THEMIS: variants seen among roughly 807,000 people sequenced by gnomAD.
THEMIS encodes protein THEMIS.
Under a neutral mutation model 52.6 loss-of-function variants are expected in THEMIS, and 37 were observed. That is an observed-to-expected ratio of 0.70 (90% CI 0.54 to 0.93). The LOEUF (loss-of-function observed/expected upper bound fraction) is 0.93. THEMIS is among the 40% of genes least tolerant of loss of function. THEMIS has a pLI of 0.00. For missense variants in THEMIS, 808 were observed against 763.1 expected (o/e 1.06, Z -0.69); for synonymous variants, 292 against 272.7 (o/e 1.07, Z -0.70).
intron 4 of THEMIS, among the ~76,000 whole-genome samples, chr6:127,804,875 G>T (rs1250354132): frequency 6.6e-6 from 1 of 152,010 alleles, no homozygotes; most frequent in African/African-American, 2.4e-5. Flanking sequence ...AAGGACAAAT[G>T]GTATGTAAAG....
chr6:127,725,142 C>A (rs1372557114), intron 4 of THEMIS, among the ~76,000 whole-genome samples: 1 of 151,978 alleles, frequency 6.6e-6, no homozygotes, highest in Non-Finnish European at 1.5e-5. Context: ...AAAAAAGCAA[C>A]CTCCCTCTCT....
At chr6:127,843,395 T>C (rs1052695517) in intron 2 of THEMIS, among the ~76,000 whole-genome samples, 1 of 151,950 alleles carries the variant, frequency 6.6e-6, no homozygotes, top group African/African-American at 2.4e-5. Context: ...TGCTGAGCAC[T>C]TGAAATGTGG....
chr6:127,747,848 TC>T (rs767913616), intron 4 of THEMIS, among the ~76,000 whole-genome samples: 2 of 152,092 alleles, frequency 1.3e-5, no homozygotes, highest in Non-Finnish European at 2.9e-5. Context: ...CCTGATTTTC[TC>T]CCATTCTCTT....
intron 1 of THEMIS, among the ~76,000 whole-genome samples, chr6:127,869,138 A>G (rs553947900): frequency 6.6e-6 from 1 of 152,218 alleles, no homozygotes; most frequent in Non-Finnish European, 1.5e-5. Flanking sequence ...TTCAATGAGT[A>G]TTGATATTTA....
chr6:127,816,711 A>G (rs1042193684), intron 3 of THEMIS, among the ~76,000 whole-genome samples: 12 of 152,146 alleles, frequency 7.9e-5, no homozygotes, highest in African/African-American at 2.7e-4. Context: ...TTTAGATGCT[A>G]AATAATTTAT....
chr6:127,722,290 G>A (rs1179070226), intron 4 of THEMIS, among the ~76,000 whole-genome samples: 1 of 151,888 alleles, frequency 6.6e-6, no homozygotes, highest in Non-Finnish European at 1.5e-5. Context: ...TGTCTCTTAA[G>A]TTGCTGACCT....
chr6:127,903,403 AT>A (rs199571590), upstream of THEMIS, among the ~76,000 whole-genome samples: 50 of 151,914 alleles, frequency 3.3e-4, no homozygotes, highest in South Asian at 1.0e-3. Flanking sequence ...ATTAACGAGA[AT>A]TTTAAAAAAA....
At chr6:127,918,590 G>T (rs929295250), upstream of THEMIS, 6 of 152,148 alleles carry the variant, frequency 3.9e-5, no homozygotes, top group Admixed American at 3.9e-4. Context: ...TCTCGTAATT[G>T]TAAGTATAAA....
intron 5 of THEMIS, among the ~76,000 whole-genome samples, chr6:127,718,616 C>T (rs1774252880): frequency 6.6e-6 from 1 of 151,928 alleles, no homozygotes; most frequent in African/African-American, 2.4e-5. Context: ...AAAACAAGTT[C>T]CAATGAATTA....
At chr6:127,869,703 A>G (rs13217145) in intron 1 of THEMIS, among the ~76,000 whole-genome samples, 30,702 of 152,132 alleles carry the variant, frequency 0.2, 3,378 homozygotes, top group South Asian at 0.4. Flanking sequence ...AAGCTGAAAA[A>G]GCTGACAACC....
intron 2 of THEMIS, among the ~76,000 whole-genome samples, chr6:127,853,969 A>G (rs1354191629): frequency 6.6e-6 from 1 of 151,702 alleles, no homozygotes; most frequent in Non-Finnish European, 1.5e-5. Flanking sequence ...CACAAAGAAC[A>G]CAAGTATACT....
chr6:127,747,673 A>T (rs1775496642), intron 4 of THEMIS, among the ~76,000 whole-genome samples: 1 of 151,942 alleles, frequency 6.6e-6, no homozygotes. Flanking sequence ...AAGACTACTC[A>T]TAAGATAAAG....
chr6:127,811,551 A>G (rs1777908097), intron 4 of THEMIS, among the ~76,000 whole-genome samples: 1 of 152,198 alleles, frequency 6.6e-6, no homozygotes. Context: ...TCTCATCTTG[A>G]TGTCCTTAAT....
intron 4 of THEMIS, among the ~76,000 whole-genome samples, chr6:127,752,840 C>T (rs1775693336): frequency 1.3e-5 from 2 of 151,748 alleles, no homozygotes. Flanking sequence ...ACCAGTATTA[C>T]TCTGTTACCA....
At position 127,709,804 on chromosome 6, in the gene THEMIS, T is replaced by C. The variant is rs1427642637; in HGVS notation, c.*181A>G. On this transcript the variant is annotated 3_prime_UTR_variant, in exon 6 of 6. Coordinates refer to ENST00000368248, the MANE Select transcript of THEMIS (RefSeq NM_001010923.3). ...AACAGAATAGACTATATGAATTCTA[T>C]ATCATAGGTTTCTGTAAGTTTTATC... 3.5e-6 allele frequency: 2 copies of C among 575,316 alleles called. No homozygotes were observed. The highest frequency in any genetic ancestry group is 3.1e-5 in the East Asian group (1 of 32,208). The allele number at this position is 575,316 out of a possible 1,614,324, so 35.6% of individuals were successfully genotyped here.
At chr6:127,731,813 T>C (rs1379043728) in intron 4 of THEMIS, among the ~76,000 whole-genome samples, 1 of 143,834 alleles carries the variant, frequency 7.0e-6, no homozygotes, top group African/African-American at 2.6e-5. Flanking sequence ...TTCTCCTGCC[T>C]CAGGTTCCCG....
At chr6:127,758,843 C>A (rs751251577) in intron 4 of THEMIS, among the ~76,000 whole-genome samples, 1 of 151,996 alleles carries the variant, frequency 6.6e-6, no homozygotes, top group Non-Finnish European at 1.5e-5. Flanking sequence ...GTAACACAAT[C>A]AGAATTATAA....
the THEMIS span, among the ~76,000 whole-genome samples, chr6:127,703,035 G>GGGTTTTTTT: frequency 1.2e-5 from 1 of 82,352 alleles, no homozygotes; most frequent in African/African-American, 5.7e-5. Flanking sequence ...TTTAGAATGA[G>GGGTTTTTTT]TTTTTTTTTT....
chr6:127,725,656 C>T (rs1312258779), intron 4 of THEMIS, among the ~76,000 whole-genome samples: 2 of 151,966 alleles, frequency 1.3e-5, no homozygotes, highest in African/African-American at 4.8e-5. Context: ...ACTGATCATC[C>T]ATATAGACAG....
Sources: gnomAD v4.1 joint callset for allele counts (sites outside exome capture counted in the v4.1 genomes callset) on GRCh38, gnomAD v4.1.1 for gene constraint, MANE v1.5 for transcripts, NCBI Gene and HGNC (gene_info 2026-07-23, HGNC 2026-07-21) for gene names.